GRID2: variants seen among roughly 807,000 people sequenced by gnomAD.
GRID2 encodes glutamate ionotropic receptor delta type subunit 2.
A neutral mutation model predicts 114.8 loss-of-function variants in GRID2; 33 were observed. The observed-to-expected ratio is 0.29, with a 90% CI of 0.22 to 0.38. GRID2 has a LOEUF of 0.38. GRID2 is among the 10% of genes least tolerant of loss of function. The pLI is 1.00. For synonymous variants in GRID2, 505 were observed against 449.9 expected (o/e 1.12, Z -1.55); for missense variants, 1,184 against 1,257.7 (o/e 0.94, Z 0.89).
Position 93,490,736 on chromosome 4 carries a change from C to T in GRID2, c.1956C>T (p.Leu652=), listed in dbSNP as rs370183875. The T allele has an allele frequency of 2.5e-6, 4 of 1,610,402 alleles. No homozygotes were observed. The highest frequency in any genetic ancestry group is 1.3e-5 in the African/African-American group (1 of 74,830). ...TTATCTCATCTTACACGGCAAACCT[C>T]GCTGCTTTCCTCACTATTACACGCA... ...LIVISSYTAN[L]AAFLTITRIE... is the part of the protein sequence containing the mutation. Residue 652 remains leucine (L), a synonymous_variant, in exon 12 of 16, where the codon CTC becomes CTT. Transcript: ENST00000282020.
intron 10 of GRID2, among the ~76,000 whole-genome samples, chr4:93,429,196 G>A (rs1388898320): frequency 2.0e-5 from 3 of 152,124 alleles, no homozygotes; most frequent in African/African-American, 7.2e-5. Flanking sequence ...TCCCTCAGGT[G>A]GAAATTATGG....
chr4:92,551,742 A>T (rs572521995), intron 1 of GRID2, among the ~76,000 whole-genome samples: 1 of 152,162 alleles, frequency 6.6e-6, no homozygotes, highest in Non-Finnish European at 1.5e-5. Flanking sequence ...ACATCAGACA[A>T]TTATAAACAT....
At chr4:93,245,830 A>G (rs768303274) in intron 8 of GRID2, among the ~76,000 whole-genome samples, 17 of 152,218 alleles carry the variant, frequency 1.1e-4, no homozygotes, top group Non-Finnish European at 2.4e-4. Flanking sequence ...TTATGTTTGT[A>G]GGTTACACAA....
chr4:93,318,234 G>A (rs1392474589), intron 8 of GRID2, among the ~76,000 whole-genome samples: 1 of 151,172 alleles, frequency 6.6e-6, no homozygotes, highest in African/African-American at 2.4e-5. Flanking sequence ...AATTTAACTA[G>A]TATCATTCTA....
At chr4:93,757,421 T>C (rs1397785879) in intron 14 of GRID2, among the ~76,000 whole-genome samples, 3 of 152,188 alleles carry the variant, frequency 2.0e-5, no homozygotes. Context: ...AGTACTCTTT[T>C]CCCAATCTCC....
chr4:93,726,644 A>C (rs549290114), intron 14 of GRID2, among the ~76,000 whole-genome samples: 2 of 152,114 alleles, frequency 1.3e-5, no homozygotes, highest in South Asian at 2.1e-4. Flanking sequence ...ATTTGTTTGT[A>C]TCCTCTTTTA....
chr4:92,445,619 C>G (rs1449602375), intron 1 of GRID2, among the ~76,000 whole-genome samples: 1 of 152,014 alleles, frequency 6.6e-6, no homozygotes, highest in African/African-American at 2.4e-5. Context: ...AATCCAATAA[C>G]CCATGAAACA....
chr4:92,961,632 A>T (rs1180929911), intron 2 of GRID2, among the ~76,000 whole-genome samples: 1 of 150,278 alleles, frequency 6.7e-6, no homozygotes, highest in Non-Finnish European at 1.5e-5. Context: ...TTTAAATATG[A>T]TTTGTCTAGG....
chr4:92,972,597 A>C (rs959634262), intron 2 of GRID2, among the ~76,000 whole-genome samples: 1 of 151,686 alleles, frequency 6.6e-6, no homozygotes, highest in African/African-American at 2.4e-5. Context: ...TCTCAGGAAA[A>C]TAATTTTTTT....
chr4:93,204,465 G>A (rs936907094), intron 4 of GRID2, among the ~76,000 whole-genome samples: 23 of 152,190 alleles, frequency 1.5e-4, no homozygotes, highest in African/African-American at 5.5e-4. Context: ...AATTTATACT[G>A]CTAAAATATC....
chr4:93,017,546 G>C (rs1722866449), intron 2 of GRID2, among the ~76,000 whole-genome samples: 1 of 151,868 alleles, frequency 6.6e-6, no homozygotes, highest in Non-Finnish European at 1.5e-5. Flanking sequence ...ACGCGCAGTG[G>C]CTCACACCTA....
rs118064586 is a variant in GRID2 at position 93,173,939 on chromosome 4, G to T, written c.736-33465G>T. 2.5e-3 allele frequency among the ~76,000 whole-genome samples: 374 copies of T among 152,132 alleles called. 7 individuals are homozygous for T. The East Asian group carries it at 0.055, about 22-fold the overall frequency. Reference sequence around the variant, plus strand: ...GCAACCAGCCTGGATTTTTCTTTTAGGATTTTTAAATGCATTTTGTATTTA... The same window carrying T: ...GCAACCAGCCTGGATTTTTCTTTTATGATTTTTAAATGCATTTTGTATTTA... On this transcript the variant is annotated intron_variant, in intron 4 of 15. Coordinates refer to ENST00000282020, the MANE Select transcript of GRID2 (RefSeq NM_001510.4).
intron 13 of GRID2, among the ~76,000 whole-genome samples, chr4:93,520,302 A>C (rs1427540065): frequency 6.6e-6 from 1 of 152,138 alleles, no homozygotes; most frequent in Non-Finnish European, 1.5e-5. Flanking sequence ...ACAAGCATAA[A>C]TGTGTGCTCT....
chr4:93,185,928 G>A (rs1740369561), intron 4 of GRID2, among the ~76,000 whole-genome samples: 1 of 152,024 alleles, frequency 6.6e-6, no homozygotes. Context: ...CCCAGTGTGT[G>A]ATGTTTCCCG....
chr4:93,602,450 C>T (rs971955052), intron 13 of GRID2, among the ~76,000 whole-genome samples: 17 of 152,168 alleles, frequency 1.1e-4, no homozygotes, highest in African/African-American at 4.1e-4. Flanking sequence ...TCTATTGATG[C>T]CATTTTTCCC....
chr4:93,099,628 G>A (rs1241751844), intron 3 of GRID2, among the ~76,000 whole-genome samples: 1 of 151,748 alleles, frequency 6.6e-6, no homozygotes, highest in Admixed American at 6.6e-5. Flanking sequence ...CAACTTTATG[G>A]ATGAATCAGA....
chr4:92,896,900 G>A (rs373363532), intron 2 of GRID2, among the ~76,000 whole-genome samples: 3 of 152,130 alleles, frequency 2.0e-5, no homozygotes, highest in East Asian at 1.9e-4. Context: ...GTGCGACGAC[G>A]CCCGGCTAAT....
chr4:92,837,873 A>G lies in GRID2; in HGVS notation c.245-247122A>G, dbSNP rs763224225. 4.6e-5 allele frequency among the ~76,000 whole-genome samples: 7 copies of G among 152,216 alleles called. No homozygotes were observed. The East Asian group carries it at 1.4e-3, about 29-fold the overall frequency. On this transcript the variant is annotated intron_variant, in intron 2 of 15. Coordinates refer to ENST00000282020, the MANE Select transcript of GRID2 (RefSeq NM_001510.4). ...TGATTTATGTTTGAGCCGCGAATTC[A>G]AGTCCTTGTTCAAAGTCTTTATGGC... is the stretch of plus-strand genomic sequence containing the variant.
chr4:92,870,477 G>A (rs1173529587), intron 2 of GRID2, among the ~76,000 whole-genome samples: 2 of 151,952 alleles, frequency 1.3e-5, no homozygotes, highest in Non-Finnish European at 2.9e-5. Flanking sequence ...TCCAAAATTT[G>A]TTCTCAAGTG....
Sources: allele counts gnomAD v4.1 joint callset (sites outside exome capture counted in the v4.1 genomes callset), GRCh38; gene constraint gnomAD v4.1.1; transcripts MANE v1.5; gene names NCBI Gene and HGNC (gene_info 2026-07-23, HGNC 2026-07-21).